The following PRKD1 variants were observed in gnomAD, a reference collection of about 807,000 sequenced individuals.
PRKD1 encodes the protein serine/threonine-protein kinase D1.
In PRKD1, 63 loss-of-function variants were observed where a neutral mutation model predicts 95.9. The observed-to-expected ratio is 0.66, with a 90% CI of 0.54 to 0.81. The LOEUF (loss-of-function observed/expected upper bound fraction) is 0.81. PRKD1 is among the 30% of genes least tolerant of loss of function. The pLI, the probability that PRKD1 is intolerant of heterozygous loss-of-function variation, is 0.00. For missense variants in PRKD1, 1,048 were observed against 1,165.3 expected (o/e 0.90, Z 1.47); for synonymous variants, 425 against 423.1 (o/e 1.00, Z -0.05).
intron 1 of PRKD1, among the ~76,000 whole-genome samples, chr14:29,764,725 C>A (rs1460924480): frequency 6.6e-6 from 1 of 152,166 alleles, no homozygotes; most frequent in Non-Finnish European, 1.5e-5. Flanking sequence ...AAGGCCACAC[C>A]TCTTAAGAGT....
chr14:29,889,527 G>A (rs142305657), intron 1 of PRKD1, among the ~76,000 whole-genome samples: 2,386 of 152,214 alleles, frequency 0.016, 61 homozygotes, highest in African/African-American at 0.049. Flanking sequence ...AAGAAAATGT[G>A]GCATATATAC....
chr14:29,728,022 A>AG (rs1304069520), intron 1 of PRKD1, among the ~76,000 whole-genome samples: 7 of 123,654 alleles, frequency 5.7e-5, no homozygotes, highest in Non-Finnish European at 1.0e-4. Flanking sequence ...GGGTGGGGCG[A>AG]GGGGGGAGGG....
At chr14:29,616,243 CAAAA>C (rs72142312) in intron 13 of PRKD1, among the ~76,000 whole-genome samples, 23 of 33,962 alleles carry the variant, frequency 6.8e-4, no homozygotes, top group South Asian at 1.6e-3. Flanking sequence ...AGAGTATGGC[CAAAA>C]AAAAAAAAAA....
intron 1 of PRKD1, among the ~76,000 whole-genome samples, chr14:29,810,900 G>T (rs996339600): frequency 6.6e-6 from 1 of 152,200 alleles, no homozygotes; most frequent in Non-Finnish European, 1.5e-5. Flanking sequence ...AGATGCAAGG[G>T]TTTTATTGTA....
chr14:29,742,175 T>A (rs907895310), intron 1 of PRKD1, among the ~76,000 whole-genome samples: 1 of 152,220 alleles, frequency 6.6e-6, no homozygotes, highest in Non-Finnish European at 1.5e-5. Flanking sequence ...AAAGAATTTC[T>A]TCTCCCCTTG....
intron 1 of PRKD1, among the ~76,000 whole-genome samples, chr14:29,890,856 T>C (rs1158552155): frequency 6.6e-6 from 1 of 152,188 alleles, no homozygotes; most frequent in Non-Finnish European, 1.5e-5. Context: ...ATGCTGTTAA[T>C]GTTGAATGAA....
At chr14:29,629,172 CA>C (rs1879823976) in intron 10 of PRKD1, 79 bp from the exon 11 acceptor site, 2 of 1,166,156 alleles carry the variant, frequency 1.7e-6, no homozygotes, top group Non-Finnish European at 2.5e-6. Context: ...TACATGCTTA[CA>C]AATCATCCTG....
At chr14:29,609,504 G>C (rs72675582) in intron 13 of PRKD1, among the ~76,000 whole-genome samples, 1 of 123,656 alleles carries the variant, frequency 8.1e-6, no homozygotes, top group African/African-American at 3.3e-5. Flanking sequence ...GTGTGTGTGC[G>C]TGCACACACA....
chr14:29,826,710 C>A (rs868705278), intron 1 of PRKD1, among the ~76,000 whole-genome samples: 5 of 67,758 alleles, frequency 7.4e-5, no homozygotes, highest in Non-Finnish European at 1.4e-4. Context: ...CATATATACA[C>A]ATATATATAT....
At chr14:29,664,017 T>C (rs1461448325) in intron 3 of PRKD1, among the ~76,000 whole-genome samples, 158 bp from the exon 4 acceptor site, 1 of 152,206 alleles carries the variant, frequency 6.6e-6, no homozygotes, top group African/African-American at 2.4e-5. Context: ...CTGAATTTTT[T>C]TTCCAATTTG....
intron 1 of PRKD1, among the ~76,000 whole-genome samples, chr14:29,880,716 C>T (rs1893478003): frequency 2.0e-5 from 3 of 152,148 alleles, no homozygotes; most frequent in Admixed American, 2.0e-4. Flanking sequence ...GAGGCTGTAC[C>T]CTGCAAAGCC....
intron 4 of PRKD1, among the ~76,000 whole-genome samples, chr14:29,651,252 TC>T (rs1881476701): frequency 6.6e-6 from 1 of 152,314 alleles, no homozygotes; most frequent in African/African-American, 2.4e-5. Context: ...AGAAAAGCAC[TC>T]ACTCAATGAA....
chr14:29,923,905 G>C (rs953089677), intron 1 of PRKD1, among the ~76,000 whole-genome samples: 1 of 151,768 alleles, frequency 6.6e-6, no homozygotes, highest in Non-Finnish European at 1.5e-5. Flanking sequence ...TCTTCCTCTG[G>C]AATTTTTTTC....
chr14:29,802,406 A>T (rs113945245), intron 1 of PRKD1, among the ~76,000 whole-genome samples: 1 of 152,252 alleles, frequency 6.6e-6, no homozygotes, highest in East Asian at 1.9e-4. Context: ...AAGGCTCAAA[A>T]GCAAACACAT....
chr14:29,868,752 A>G (rs1216368068), intron 1 of PRKD1, among the ~76,000 whole-genome samples: 1 of 152,196 alleles, frequency 6.6e-6, no homozygotes, highest in East Asian at 1.9e-4. Flanking sequence ...ATATAAATTC[A>G]CATTCTTTTG....
At chr14:29,610,274 T>C (rs572470216) in intron 13 of PRKD1, among the ~76,000 whole-genome samples, 1 of 152,278 alleles carries the variant, frequency 6.6e-6, no homozygotes, top group African/African-American at 2.4e-5. Flanking sequence ...GTCTTTGTGA[T>C]ATAGAACTAT....
chr14:29,736,729 C>T (rs747589664), intron 1 of PRKD1, among the ~76,000 whole-genome samples: 6 of 152,206 alleles, frequency 3.9e-5, no homozygotes, highest in Admixed American at 1.3e-4. Flanking sequence ...TAATTCTACC[C>T]TATGCTGGAA....
rs1412412534 is a variant in PRKD1, at chr14:29,768,444, CA to C, written c.265-42771del. ...CATAATATGTTTTGAAATTTTGTTA[CA>C]GTTTGAGATTAAATTTACCATTCAG... is the stretch of plus-strand genomic sequence containing the variant. On this transcript the variant is annotated intron_variant, in intron 1 of 17. Coordinates refer to ENST00000331968, the MANE Select transcript of PRKD1 (RefSeq NM_002742.3). 6.6e-5 allele frequency among the ~76,000 whole-genome samples: 10 copies of C among 152,220 alleles called. No homozygotes were observed. In the East Asian group the frequency reaches 1.7e-3, roughly 26 times the overall value.
In PRKD1 at chr14:29,652,975, T is replaced by G. The variant is rs373373577; in HGVS notation, c.696+10724A>C. The G allele has an allele frequency of 8.5e-5, 13 of 152,332 alleles. No homozygotes were observed. In the South Asian group the frequency reaches 1.9e-3, roughly 22 times the overall value. 9.4% of individuals were successfully genotyped at this position (152,332 alleles called of 1,614,324 possible). On this transcript the variant is annotated intron_variant, in intron 4 of 17. Transcript: ENST00000331968. ...ATCTAATTATAGATAGAAAATACAA[T>G]GCTGGTATTCTCGTTTTCATTTTTT...
Sources: allele counts gnomAD v4.1 joint callset (sites outside exome capture counted in the v4.1 genomes callset), GRCh38; gene constraint gnomAD v4.1.1; transcripts MANE v1.5; gene names NCBI Gene and HGNC (gene_info 2026-07-23, HGNC 2026-07-21).